Variants in GRIP1 observed in about 807,000 individuals in gnomAD.
The protein encoded by GRIP1 is glutamate receptor interacting protein 1.
Under a neutral mutation model 129.9 loss-of-function variants are expected in GRIP1, and 45 were observed. That is an observed-to-expected ratio of 0.35 (90% CI 0.27 to 0.44). The LOEUF (loss-of-function observed/expected upper bound fraction) is 0.44. GRIP1 is among the 20% of genes least tolerant of loss of function. The pLI, the probability that GRIP1 is intolerant of heterozygous loss-of-function variation, is 1.00. For missense variants in GRIP1, 1,196 were observed against 1,396.8 expected (o/e 0.86, Z 2.29); for synonymous variants, 530 against 520.8 (o/e 1.02, Z -0.24).
intron 1 of GRIP1, among the ~76,000 whole-genome samples, chr12:66,910,733 A>T (rs1174427004): frequency 6.6e-6 from 1 of 152,202 alleles, no homozygotes; most frequent in East Asian, 1.9e-4. Flanking sequence ...AACGCAAATC[A>T]AAAACGTTTT....
At chr12:66,642,276 G>A (rs2031999781) in intron 1 of GRIP1, among the ~76,000 whole-genome samples, 1 of 98,548 alleles carries the variant, frequency 1.0e-5, no homozygotes, top group South Asian at 2.8e-4. Context: ...GGAGAGGAGA[G>A]AACTCCAGCA....
rs767041985 is a variant in GRIP1, at chr12:66,529,893, A to G, written c.440T>C (p.Ile147Thr). 7.2e-5 allele frequency: 115 copies of G among 1,598,104 alleles called. No individual in the cohort carries two copies. The highest frequency in any genetic ancestry group is 9.7e-5 in the Non-Finnish European group (113 of 1,165,434). Residue 147 changes from isoleucine to threonine, a missense_variant, in exon 5 of 25, where the codon ATT becomes ACT. By Grantham distance (89) the Ile-to-Thr change is moderately conservative. This residue lies in a region of GRIP1 where 217 missense variants were observed against 224.8 expected (regional missense o/e 0.97). Coordinates refer to ENST00000359742, the MANE Select transcript of GRIP1 (RefSeq NM_001366722.1). Reference protein sequence around the residue: ...PPVSVQGSSVIFRTVEVTLHK... With the variant: ...PPVSVQGSSVTFRTVEVTLHK... ...TAATGTGACCTCCACTGTTCGGAAAATAACACTTGATCCTTGCACAGCTGA... is the reference window on the plus strand; with the variant it reads ...TAATGTGACCTCCACTGTTCGGAAAGTAACACTTGATCCTTGCACAGCTGA...
intron 1 of GRIP1, among the ~76,000 whole-genome samples, chr12:66,864,029 C>T (rs2040157960): frequency 6.6e-6 from 1 of 152,002 alleles, no homozygotes; most frequent in Non-Finnish European, 1.5e-5. Flanking sequence ...CTTCCCTCTC[C>T]AACACTTGGC....
intron 1 of GRIP1, among the ~76,000 whole-genome samples, chr12:66,898,107 C>T (rs745357320): frequency 6.6e-5 from 10 of 152,148 alleles, no homozygotes; most frequent in Non-Finnish European, 1.2e-4. Flanking sequence ...AAAAAATCTA[C>T]AAAGTGGAGG....
chr12:66,913,171 A>G (rs1000773469), intron 1 of GRIP1, among the ~76,000 whole-genome samples: 1 of 152,192 alleles, frequency 6.6e-6, no homozygotes, highest in African/African-American at 2.4e-5. Flanking sequence ...CCAAAATACC[A>G]TAACAAATAA....
intron 1 of GRIP1, among the ~76,000 whole-genome samples, chr12:66,812,890 C>T (rs12821060): frequency 0.22 from 33,939 of 152,162 alleles, 4,418 homozygotes; most frequent in Non-Finnish European, 0.3. Context: ...AGAATATGTG[C>T]TTGTCTCACA....
Position 66,441,422 on chromosome 12 carries a change from T to C in GRIP1, c.1687+3162A>G, listed in dbSNP as rs116152672. ...TCCTTAGGGGTCTCCTTTTTTCCTG[T>C]GACTTTAACCATCACTGCCATGTTG... is the stretch of plus-strand genomic sequence containing the variant. On this transcript the variant is annotated intron_variant, in intron 13 of 24. Transcript: ENST00000359742. 3.9e-3 allele frequency among the ~76,000 whole-genome samples: 600 copies of C among 152,278 alleles called. 3 individuals carry two copies. The highest frequency in any genetic ancestry group is 0.014 in the African/African-American group (581 of 41,556).
chr12:66,879,471 G>C (rs2040437427), intron 1 of GRIP1, among the ~76,000 whole-genome samples: 1 of 152,010 alleles, frequency 6.6e-6, no homozygotes, highest in African/African-American at 2.4e-5. Flanking sequence ...ATTTGGACAA[G>C]GCCACATACT....
chr12:66,431,607 A>G (rs548849445), intron 14 of GRIP1, among the ~76,000 whole-genome samples: 1 of 152,336 alleles, frequency 6.6e-6, no homozygotes, highest in African/African-American at 2.4e-5. Context: ...AACAGAGTGC[A>G]GTGAGGCACT....
At chr12:66,397,714 A>C (rs2137570317) in intron 16 of GRIP1, among the ~76,000 whole-genome samples, 1 of 152,270 alleles carries the variant, frequency 6.6e-6, no homozygotes, top group East Asian at 1.9e-4. Context: ...AAAAGATGGG[A>C]TGATGCCTGG....
Position 66,767,828 on chromosome 12 carries a change from G to A in GRIP1, c.-420+36225C>T, listed in dbSNP as rs138664029. On this transcript the variant is annotated intron_variant, in intron 1 of 4. Coordinates refer to the GRIP1 transcript ENST00000538373. ...ACATGTTTTGGTGCCATAGTAAGGCGATATCTTATAACAAGATAATAGCCT... is the reference window on the plus strand; with the variant it reads ...ACATGTTTTGGTGCCATAGTAAGGCAATATCTTATAACAAGATAATAGCCT... 2.8e-4 allele frequency among the ~76,000 whole-genome samples: 42 copies of A among 152,280 alleles called. 1 individual carries two copies. The highest frequency in any genetic ancestry group is 1.8e-4 in the Non-Finnish European group (12 of 68,024).
intron 1 of GRIP1, among the ~76,000 whole-genome samples, chr12:66,633,752 T>G (rs1202781448): frequency 6.6e-6 from 1 of 152,216 alleles, no homozygotes; most frequent in African/African-American, 2.4e-5. Flanking sequence ...TAAGCTGTGC[T>G]CTTACCCCCT....
intron 13 of GRIP1, among the ~76,000 whole-genome samples, chr12:66,440,767 G>A (rs1475803860): frequency 6.6e-6 from 1 of 152,060 alleles, no homozygotes; most frequent in Non-Finnish European, 1.5e-5. Flanking sequence ...ACACCCCTCT[G>A]AACTTTGAGT....
chr12:66,546,201 T>C (rs767684935), intron 2 of GRIP1, among the ~76,000 whole-genome samples: 1 of 152,186 alleles, frequency 6.6e-6, no homozygotes, highest in Non-Finnish European at 1.5e-5. Flanking sequence ...ATAAAGACTG[T>C]GTGGTAGGCC....
intron 2 of GRIP1, among the ~76,000 whole-genome samples, chr12:66,579,458 C>G (rs1321467093): frequency 6.6e-6 from 1 of 151,826 alleles, no homozygotes; most frequent in Admixed American, 6.6e-5. Flanking sequence ...GATCAAACTA[C>G]GAGCTACAGG....
At chr12:67,058,110 A>T (rs1206065264) in intron 1 of GRIP1, among the ~76,000 whole-genome samples, 3 of 152,256 alleles carry the variant, frequency 2.0e-5, no homozygotes, top group Non-Finnish European at 4.4e-5. Flanking sequence ...AATATCAGAC[A>T]TCAGAAGATA....
At chr12:66,676,930 C>T (rs2034363960) in intron 1 of GRIP1, among the ~76,000 whole-genome samples, 1 of 152,134 alleles carries the variant, frequency 6.6e-6, no homozygotes, top group Non-Finnish European at 1.5e-5. Flanking sequence ...CGTTGTTGGA[C>T]AAGACTGAAG....
intron 1 of GRIP1, among the ~76,000 whole-genome samples, chr12:66,784,580 G>T (rs1237435971): frequency 6.6e-6 from 1 of 152,094 alleles, no homozygotes; most frequent in Non-Finnish European, 1.5e-5. Context: ...CCAGTTGACT[G>T]CAGTTAGCAC....
At chr12:66,820,280 T>G (rs1033300402) in intron 1 of GRIP1, among the ~76,000 whole-genome samples, 11 of 152,146 alleles carry the variant, frequency 7.2e-5, no homozygotes, top group African/African-American at 2.7e-4. Flanking sequence ...ATTAGAGAAA[T>G]GCAAATTAAA....
Sources: gnomAD v4.1 joint callset for allele counts (sites outside exome capture counted in the v4.1 genomes callset) on GRCh38, gnomAD v4.1.1 for gene constraint, gnomAD v4.1.1 regional missense constraint, MANE v1.5 for transcripts, NCBI Gene and HGNC (gene_info 2026-07-23, HGNC 2026-07-21) for gene names.